Variants in RHPN2 observed in about 807,000 individuals in gnomAD.
The protein encoded by RHPN2 is rhophilin-2.
In RHPN2, 40 loss-of-function variants were observed where a neutral mutation model predicts 79.0. That is an observed-to-expected ratio of 0.51 (90% CI 0.39 to 0.66). The LOEUF (loss-of-function observed/expected upper bound fraction) is 0.66, where lower values mean the gene tolerates loss of function less well. Ranked by LOEUF, RHPN2 falls within the 30% of genes least tolerant of loss-of-function variation. RHPN2 has a pLI of 0.00. For synonymous variants in RHPN2, 285 were observed against 363.5 expected (o/e 0.78, Z 2.46); for missense variants, 686 against 883.5 (o/e 0.78, Z 2.83).
At chr19:32,984,516 A>G (rs1229995604) in intron 14 of RHPN2, among the ~76,000 whole-genome samples, 1 of 151,958 alleles carries the variant, frequency 6.6e-6, no homozygotes, top group Non-Finnish European at 1.5e-5. Flanking sequence ...AAAATTAGCC[A>G]GACATCGTGG....
intron 14 of RHPN2, among the ~76,000 whole-genome samples, chr19:32,981,707 C>CTT (rs34395682): frequency 2.4e-5 from 3 of 123,612 alleles, no homozygotes; most frequent in Non-Finnish European, 5.0e-5. Flanking sequence ...TTTCTTTTTC[C>CTT]TTTTTTTTTT....
At chr19:33,054,766 G>C (rs549299748) in intron 1 of RHPN2, among the ~76,000 whole-genome samples, 3 of 152,376 alleles carry the variant, frequency 2.0e-5, no homozygotes, top group Admixed American at 2.0e-4. Flanking sequence ...CTGAGCCAAA[G>C]GAGGAAGTGT....
intron 13 of RHPN2, 110 bp downstream of exon 13, chr19:32,991,713 C>G: frequency 8.3e-7 from 1 of 1,203,242 alleles, no homozygotes; most frequent in Non-Finnish European, 1.2e-6. Flanking sequence ...GAATGTAGCA[C>G]CCATGAGGCC....
chr19:33,026,153 A>ATT (rs925915097), intron 3 of RHPN2, among the ~76,000 whole-genome samples: 4 of 145,906 alleles, frequency 2.7e-5, no homozygotes, highest in African/African-American at 1.0e-4. Context: ...ACGCCTGGCT[A>ATT]TTTTTTTTTT....
chr19:33,064,691 C>A, intron 1 of RHPN2, 93 bp downstream of exon 1: 7 of 1,356,068 alleles, frequency 5.2e-6, no homozygotes, highest in Non-Finnish European at 6.0e-6. Context: ...GCCTAGTGGA[C>A]CCCGACTGCG....
intron 11 of RHPN2, among the ~76,000 whole-genome samples, chr19:32,995,017 T>A (rs1159108271): frequency 6.6e-6 from 1 of 152,134 alleles, no homozygotes; most frequent in Non-Finnish European, 1.5e-5. Flanking sequence ...GTGTTGTTGT[T>A]ATGGAAGTTC....
At chr19:33,032,016 CTTTTTTTTTTTTT>C in intron 2 of RHPN2, among the ~76,000 whole-genome samples, 1 of 91,390 alleles carries the variant, frequency 1.1e-5, no homozygotes, top group South Asian at 3.6e-4. Context: ...CCGGGCCGGT[CTTTTTTTTTTTTT>C]TTTTTTTTTG....
intron 3 of RHPN2, among the ~76,000 whole-genome samples, chr19:33,023,548 G>A (rs930432599): frequency 6.6e-5 from 10 of 152,098 alleles, no homozygotes; most frequent in African/African-American, 2.4e-4. Flanking sequence ...AGCTCTTTGG[G>A]AGGCCGAGGC....
intron 1 of RHPN2, among the ~76,000 whole-genome samples, chr19:33,054,609 G>C (rs963518429): frequency 6.6e-6 from 1 of 152,152 alleles, no homozygotes; most frequent in African/African-American, 2.4e-5. Flanking sequence ...TCCGTCCCTG[G>C]TGCTCCAAGT....
chr19:33,017,754 T>C (rs1268677503), intron 4 of RHPN2, among the ~76,000 whole-genome samples: 1 of 149,166 alleles, frequency 6.7e-6, no homozygotes, highest in Non-Finnish European at 1.5e-5. Flanking sequence ...GCCATGGTGG[T>C]TGACGCCTGT....
At chr19:33,008,498 G>A (rs1455958799) in intron 6 of RHPN2, among the ~76,000 whole-genome samples, 1 of 151,788 alleles carries the variant, frequency 6.6e-6, no homozygotes, top group Non-Finnish European at 1.5e-5. Flanking sequence ...GGCTGGGTGC[G>A]GTGGCTCACG....
At chr19:32,983,522 A>G (rs532485709) in intron 14 of RHPN2, among the ~76,000 whole-genome samples, 1 of 151,926 alleles carries the variant, frequency 6.6e-6, no homozygotes, top group East Asian at 2.0e-4. Context: ...CAAAAAAAAA[A>G]AAGTAAAGCC....
chr19:33,005,749 A>G (rs538979051), intron 7 of RHPN2, among the ~76,000 whole-genome samples: 1 of 152,148 alleles, frequency 6.6e-6, no homozygotes, highest in Admixed American at 6.6e-5. Context: ...CATTGATATA[A>G]TCTCAGAGAC....
intron 6 of RHPN2, among the ~76,000 whole-genome samples, chr19:33,009,716 A>G (rs920341303): frequency 2.4e-4 from 36 of 151,958 alleles, no homozygotes; most frequent in African/African-American, 8.5e-4. Flanking sequence ...TGGCCTCCCA[A>G]CCTGCTGGGA....
chr19:33,036,591 C>G (rs933620386), intron 2 of RHPN2, among the ~76,000 whole-genome samples: 1 of 152,192 alleles, frequency 6.6e-6, no homozygotes, highest in Non-Finnish European at 1.5e-5. Flanking sequence ...CCTTTCTGGG[C>G]TGGCCAAGGC....
intron 1 of RHPN2, among the ~76,000 whole-genome samples, chr19:33,056,355 A>G (rs1972233030): frequency 6.6e-6 from 1 of 151,536 alleles, no homozygotes; most frequent in South Asian, 2.1e-4. Context: ...CAGGTGATCC[A>G]CCCACCTCAG....
rs1254001314 is a variant in RHPN2 at position 32,990,160 on chromosome 19, AGAAAGAGC to A, written c.1800+346_1800+353del. 1.4e-3 allele frequency among the ~76,000 whole-genome samples: 209 copies of A among 151,586 alleles called. 1 individual carries two copies. The highest frequency in any genetic ancestry group is 4.8e-3 in the African/African-American group (198 of 41,320). On this transcript the variant is annotated intron_variant, in intron 14 of 14. Transcript: ENST00000254260. ...AATAAAGAAAGAAAGAAAGAAAGAAAGAAAGAGCGAGCCAGGGGTGGTAGTGGGTGCCT... is the reference window on the plus strand; with the variant it reads ...AATAAAGAAAGAAAGAAAGAAAGAAAGAGCCAGGGGTGGTAGTGGGTGCCT...
chr19:33,012,614 A>T, intron 5 of RHPN2, 33 bp downstream of exon 5: 4 of 1,340,020 alleles, frequency 3.0e-6, no homozygotes, highest in Non-Finnish European at 3.2e-6. Context: ...CGGAAAAGCC[A>T]CCCTCCCCTC....
At chr19:32,981,691 CT>C (rs143731979) in intron 14 of RHPN2, among the ~76,000 whole-genome samples, 19,661 of 137,234 alleles carry the variant, frequency 0.14, 1,442 homozygotes, top group African/African-American at 0.16. Context: ...TTCTTTTTTT[CT>C]TTTTTTTCTT....
Sources: allele counts gnomAD v4.1 joint callset (sites outside exome capture counted in the v4.1 genomes callset), GRCh38; gene constraint gnomAD v4.1.1; transcripts MANE v1.5; gene names NCBI Gene and HGNC (gene_info 2026-07-23, HGNC 2026-07-21).